CMSS1: variants seen among roughly 807,000 people sequenced by gnomAD.
The protein encoded by CMSS1 is protein CMSS1.
CMSS1 carries 33 observed loss-of-function variants against 43.5 expected under a neutral mutation model. The ratio of observed to expected loss-of-function variants is 0.76; its 90% confidence interval spans 0.57 to 1.01. The LOEUF (loss-of-function observed/expected upper bound fraction) is 1.01, where lower values mean the gene tolerates loss of function less well. Ranked by LOEUF, CMSS1 falls within the 50% of genes least tolerant of loss-of-function variation. The probability of loss-of-function intolerance (pLI) is 0.00; values close to 1 mark genes in which losing one functional copy is unlikely to be tolerated. For missense variants in CMSS1, 313 were observed against 326.4 expected (o/e 0.96, Z 0.32); for synonymous variants, 115 against 117.2 (o/e 0.98, Z 0.12).
Position 100,172,336 on chromosome 3 carries a change from G to A in CMSS1, c.600G>A (p.Leu200=), listed in dbSNP as rs2067117471. The change falls in exon 8 of 10, where the codon TTG becomes TTA. Residue 200 remains leucine, a synonymous_variant. Transcript: ENST00000421999. The part of the protein sequence containing the change: ...KHIKVQAQVK[L]LEKRVVHLGV... Reference sequence around the variant, plus strand: ...AACAGGTCCAGGCGCAGGTAAAGTTGCTGGAGAAGCGTGTGGTGCACCTGG... The same window carrying A: ...AACAGGTCCAGGCGCAGGTAAAGTTACTGGAGAAGCGTGTGGTGCACCTGG... 1 of 1,613,874 alleles carries A rather than the reference G, an allele frequency of 6.2e-7. No individual in the cohort carries two copies. The highest frequency in any genetic ancestry group is 8.5e-7 in the Non-Finnish European group (1 of 1,179,880).
At chr3:99,818,294 T>A (rs1186605959) in intron 1 of CMSS1, among the ~76,000 whole-genome samples, 1 of 152,218 alleles carries the variant, frequency 6.6e-6, no homozygotes, top group Non-Finnish European at 1.5e-5. Context: ...TTTCCTTATT[T>A]CTTGAGAATG....
intron 1 of CMSS1, among the ~76,000 whole-genome samples, chr3:100,145,830 G>C (rs1046410210): frequency 6.6e-6 from 1 of 152,218 alleles, no homozygotes; most frequent in Admixed American, 6.5e-5. Context: ...AAATTAATCT[G>C]TTCTATTCAG....
intron 1 of CMSS1, among the ~76,000 whole-genome samples, chr3:99,860,430 A>C (rs916873799): frequency 1.1e-4 from 17 of 152,168 alleles, no homozygotes; most frequent in Non-Finnish European, 2.2e-4. Flanking sequence ...AAATCCTCAA[A>C]TTGAGCACAA....
At chr3:99,928,192 C>T (rs181247773) in intron 1 of CMSS1, among the ~76,000 whole-genome samples, 8 of 152,342 alleles carry the variant, frequency 5.3e-5, no homozygotes, top group Admixed American at 5.2e-4. Context: ...TTCTTCAGCC[C>T]TGTGTAGGAA....
chr3:99,916,444 AC>A (rs1706955061), intron 1 of CMSS1, among the ~76,000 whole-genome samples: 1 of 54,900 alleles, frequency 1.8e-5, no homozygotes, highest in African/African-American at 7.0e-5. Context: ...TTATACACAC[AC>A]ACACACACAC....
chr3:100,171,680 T>C (rs887336959), intron 6 of CMSS1, among the ~76,000 whole-genome samples, 159 bp from the exon 7 acceptor site: 5 of 152,202 alleles, frequency 3.3e-5, no homozygotes, highest in African/African-American at 1.2e-4. Flanking sequence ...ATTGCAAAGA[T>C]TGGCTAACCT....
intron 1 of CMSS1, among the ~76,000 whole-genome samples, chr3:99,965,186 G>A (rs1295238228): frequency 6.6e-6 from 1 of 152,234 alleles, no homozygotes; most frequent in Admixed American, 6.5e-5. Flanking sequence ...ACTGTGAGAT[G>A]AGGGATATGT....
intron 1 of CMSS1, chr3:99,876,322 C>T: frequency 1.9e-6 from 1 of 513,112 alleles, no homozygotes; most frequent in Non-Finnish European, 2.5e-6. Flanking sequence ...ACCCCAGCTC[C>T]CGCGGATGTT....
At chr3:99,916,322 T>C (rs1283631481) in intron 1 of CMSS1, among the ~76,000 whole-genome samples, 1 of 152,160 alleles carries the variant, frequency 6.6e-6, no homozygotes, top group Non-Finnish European at 1.5e-5. Flanking sequence ...TTTCTAGCTT[T>C]CAGGTCTTTC....
intron 2 of CMSS1, among the ~76,000 whole-genome samples, chr3:100,153,838 C>CTT (rs377391619): frequency 6.7e-6 from 1 of 150,176 alleles, no homozygotes; most frequent in Non-Finnish European, 1.5e-5. Context: ...GAGGCTATTT[C>CTT]TTTTTTTTTC....
At chr3:99,854,453 T>C (rs1943855113) in intron 1 of CMSS1, among the ~76,000 whole-genome samples, 1 of 152,188 alleles carries the variant, frequency 6.6e-6, no homozygotes, top group Admixed American at 6.5e-5. Context: ...CTAAAATTCA[T>C]TCCCTAAGAG....
chr3:100,038,043 C>T (rs1041680008), intron 1 of CMSS1, among the ~76,000 whole-genome samples: 3 of 151,546 alleles, frequency 2.0e-5, no homozygotes, highest in African/African-American at 7.3e-5. Context: ...CAACCTCTGC[C>T]TCCTGGGTTC....
intron 1 of CMSS1, among the ~76,000 whole-genome samples, chr3:99,973,468 A>G (rs1337415596): frequency 6.6e-6 from 1 of 152,198 alleles, no homozygotes; most frequent in Non-Finnish European, 1.5e-5. Context: ...GCAGTTATAA[A>G]TACATATGAA....
chr3:99,902,458 C>G (rs967934709), intron 1 of CMSS1, among the ~76,000 whole-genome samples: 2 of 152,152 alleles, frequency 1.3e-5, no homozygotes, highest in African/African-American at 2.4e-5. Flanking sequence ...AAATGAAATA[C>G]CTTCTGATTC....
At chr3:100,176,936 G>C (rs2067152399) in intron 9 of CMSS1, among the ~76,000 whole-genome samples, 1 of 152,150 alleles carries the variant, frequency 6.6e-6, no homozygotes, top group African/African-American at 2.4e-5. Flanking sequence ...ATGCATTTAT[G>C]GGCACAGTAT....
intron 1 of CMSS1, among the ~76,000 whole-genome samples, chr3:100,111,221 G>C (rs1576076008): frequency 6.6e-6 from 1 of 152,076 alleles, no homozygotes; most frequent in African/African-American, 2.4e-5. Context: ...AGGATGGTAG[G>C]GGGAGGAGTG....
chr3:99,886,993 C>T (rs1270362707), intron 1 of CMSS1, among the ~76,000 whole-genome samples: 1 of 150,686 alleles, frequency 6.6e-6, no homozygotes, highest in Non-Finnish European at 1.5e-5. Context: ...AAGTACTGGC[C>T]GGGTGTGGTG....
chr3:100,085,310 G>A (rs1416281542), intron 1 of CMSS1, among the ~76,000 whole-genome samples: 1 of 152,152 alleles, frequency 6.6e-6, no homozygotes, highest in African/African-American at 2.4e-5. Context: ...ACACTAAGAG[G>A]ACTGATGTTT....
At chr3:100,080,995 C>T (rs555230736) in intron 1 of CMSS1, among the ~76,000 whole-genome samples, 1 of 152,256 alleles carries the variant, frequency 6.6e-6, no homozygotes, top group Non-Finnish European at 1.5e-5. Flanking sequence ...GTATTTATGT[C>T]ATTATTTATT....
Sources: gnomAD v4.1 joint callset for allele counts (sites outside exome capture counted in the v4.1 genomes callset) on GRCh38, gnomAD v4.1.1 for gene constraint, MANE v1.5 for transcripts, NCBI Gene and HGNC (gene_info 2026-07-23, HGNC 2026-07-21) for gene names.